Variants in TMEFF1 observed in about 807,000 individuals in gnomAD.
The protein encoded by TMEFF1 is tomoregulin-1.
In TMEFF1, 20 loss-of-function variants were observed where a neutral mutation model predicts 47.5. The ratio of observed to expected loss-of-function variants is 0.42; its 90% CI spans 0.30 to 0.61. TMEFF1 has a LOEUF of 0.61. Among genes scored for constraint, TMEFF1 ranks in the 20% least tolerant of loss-of-function variants. The probability of loss-of-function intolerance (pLI) is 0.19; values close to 1 mark genes in which losing one functional copy is unlikely to be tolerated. For missense variants in TMEFF1, 411 were observed against 471.1 expected (o/e 0.87, Z 1.18); for synonymous variants, 162 against 166.3 (o/e 0.97, Z 0.20).
Position 100,538,428 on chromosome 9 carries a change from AC to A in TMEFF1, c.561-9314del, listed in dbSNP as rs564519995. Among the ~76,000 whole-genome samples the A allele has an allele frequency of 1.3e-3, 195 of 152,328 alleles. 1 individual carries two copies. Among genetic ancestry groups the A allele is most frequent in the African/African-American group, 4.5e-3 (186 of 41,572 alleles). ...ATTCGTTCTGATACTCCCCTCAAAT[AC>A]CAAAATCTCAGGATGCTCAAAGCCC... On this transcript the variant is annotated intron_variant, in intron 5 of 9. Transcript: ENST00000374879.
At chr9:100,549,862 A>G (rs985650327) in intron 6 of TMEFF1, among the ~76,000 whole-genome samples, 7 of 152,122 alleles carry the variant, frequency 4.6e-5, no homozygotes, top group African/African-American at 1.7e-4. Flanking sequence ...GCGACATTGG[A>G]GCTGAAGTAT....
At chr9:100,479,460 C>T (rs1307309535) in intron 1 of TMEFF1, among the ~76,000 whole-genome samples, 4 of 152,060 alleles carry the variant, frequency 2.6e-5, no homozygotes, top group Admixed American at 2.6e-4. Flanking sequence ...ACGACTGTCA[C>T]CACTCTCTAA....
chr9:100,567,820 A>G (rs1839152874), intron 8 of TMEFF1, among the ~76,000 whole-genome samples: 1 of 152,160 alleles, frequency 6.6e-6, no homozygotes, highest in Non-Finnish European at 1.5e-5. Flanking sequence ...AGACTGGGCA[A>G]TTTACAAAAT....
intron 1 of TMEFF1, among the ~76,000 whole-genome samples, chr9:100,480,300 C>T (rs146462065): frequency 6.6e-5 from 10 of 152,116 alleles, no homozygotes; most frequent in East Asian, 3.9e-4. Context: ...AGTTGGCTCT[C>T]GTTTGTCATT....
intron 5 of TMEFF1, among the ~76,000 whole-genome samples, chr9:100,533,897 T>C (rs1838452340): frequency 6.6e-6 from 1 of 152,130 alleles, no homozygotes; most frequent in South Asian, 2.1e-4. Context: ...GTTTGTATTT[T>C]TAGTAGAGAT....
chr9:100,568,001 T>C (rs1404370475), intron 8 of TMEFF1, among the ~76,000 whole-genome samples: 1 of 152,134 alleles, frequency 6.6e-6, no homozygotes, highest in Non-Finnish European at 1.5e-5. Context: ...ACTCATTTAC[T>C]GTCACAAGAA....
chr9:100,501,878 C>T (rs111285637), intron 2 of TMEFF1, among the ~76,000 whole-genome samples: 1,938 of 152,240 alleles, frequency 0.013, 38 homozygotes, highest in African/African-American at 0.043. Flanking sequence ...CTCTTGACCT[C>T]GTGAACCGCC....
chr9:100,535,781 T>A (rs752921768), intron 5 of TMEFF1, among the ~76,000 whole-genome samples: 3 of 152,088 alleles, frequency 2.0e-5, no homozygotes, highest in Non-Finnish European at 4.4e-5. Context: ...AAAACAAAAC[T>A]AAACTAACAA....
At chr9:100,506,870 G>T (rs546198507) in intron 2 of TMEFF1, among the ~76,000 whole-genome samples, 2 of 151,348 alleles carry the variant, frequency 1.3e-5, no homozygotes, top group Non-Finnish European at 2.9e-5. Flanking sequence ...TTTTTTAAAG[G>T]TAATTCTTTT....
At chr9:100,480,119 A>G (rs542061558) in intron 1 of TMEFF1, among the ~76,000 whole-genome samples, 5 of 152,300 alleles carry the variant, frequency 3.3e-5, no homozygotes, top group Admixed American at 6.5e-5. Flanking sequence ...CCTAATGGCT[A>G]TTGATATTAA....
At chr9:100,479,737 G>A (rs370448422) in intron 1 of TMEFF1, among the ~76,000 whole-genome samples, 1 of 152,276 alleles carries the variant, frequency 6.6e-6, no homozygotes, top group East Asian at 1.9e-4. Context: ...TCCATTGTAT[G>A]GATAAACCAC....
chr9:100,569,883 C>T (rs1587860519), intron 8 of TMEFF1, among the ~76,000 whole-genome samples: 1 of 152,122 alleles, frequency 6.6e-6, no homozygotes, highest in South Asian at 2.1e-4. Context: ...ATTTCTTGAA[C>T]CTATTCCTCC....
At chr9:100,538,586 T>G (rs1186596963) in intron 5 of TMEFF1, among the ~76,000 whole-genome samples, 1 of 152,252 alleles carries the variant, frequency 6.6e-6, no homozygotes, top group African/African-American at 2.4e-5. Flanking sequence ...TTTCTTTATA[T>G]TTTATCACAT....
At chr9:100,523,454 A>T (rs1389884871) in intron 5 of TMEFF1, among the ~76,000 whole-genome samples, 1 of 152,182 alleles carries the variant, frequency 6.6e-6, no homozygotes, top group Non-Finnish European at 1.5e-5. Context: ...ACTGCCTATA[A>T]GGTTGGGTAT....
intron 1 of TMEFF1, among the ~76,000 whole-genome samples, chr9:100,481,305 G>A (rs1046363040): frequency 6.6e-6 from 1 of 152,214 alleles, no homozygotes; most frequent in African/African-American, 2.4e-5. Flanking sequence ...TGTATTGACA[G>A]TGCCCAGATT....
Position 100,515,150 on chromosome 9 carries a change from A to T in TMEFF1, c.464-1525A>T, listed in dbSNP as rs77418686. The stretch of plus-strand genomic sequence containing the variant: ...CATTGCACCCTGTCTCAAACAAAAC[A>T]AAACAAAAAATGCTGGATATCTTGC... On this transcript the variant is annotated intron_variant, in intron 4 of 9. Coordinates refer to ENST00000374879, the MANE Select transcript of TMEFF1 (RefSeq NM_003692.5). 6.5e-3 allele frequency among the ~76,000 whole-genome samples: 988 copies of T among 152,272 alleles called. 9 individuals are homozygous for T. The highest frequency in any genetic ancestry group is 0.023 in the African/African-American group (950 of 41,550).
chr9:100,570,434 G>GTCAAA (rs1343584510), intron 8 of TMEFF1, among the ~76,000 whole-genome samples: 1 of 151,886 alleles, frequency 6.6e-6, no homozygotes, highest in Non-Finnish European at 1.5e-5. Flanking sequence ...TTAGATCTGC[G>GTCAAA]ATCCATTTTG....
chr9:100,543,559 C>T (rs951956395), intron 5 of TMEFF1, among the ~76,000 whole-genome samples: 1 of 151,816 alleles, frequency 6.6e-6, no homozygotes, highest in Non-Finnish European at 1.5e-5. Context: ...TTGAGTTTCT[C>T]CAGAGAAGAT....
chr9:100,492,001 T>G (rs1163531417), intron 1 of TMEFF1, among the ~76,000 whole-genome samples: 1 of 151,764 alleles, frequency 6.6e-6, no homozygotes, highest in African/African-American at 2.4e-5. Context: ...TTCTCCTGCC[T>G]CAGCCTCCCG....
Sources: allele counts gnomAD v4.1 joint callset (sites outside exome capture counted in the v4.1 genomes callset), GRCh38; gene constraint gnomAD v4.1.1; transcripts MANE v1.5; gene names NCBI Gene and HGNC (gene_info 2026-07-23, HGNC 2026-07-21).